The following CPQ variants were observed in gnomAD, a reference collection of about 807,000 sequenced individuals.
The protein encoded by CPQ is carboxypeptidase Q, also known as Ser-Met dipeptidase.
A neutral mutation model predicts 45.7 loss-of-function variants in CPQ; 37 were observed. The ratio of observed to expected loss-of-function variants is 0.81; its 90% CI spans 0.62 to 1.07. The LOEUF (loss-of-function observed/expected upper bound fraction) is 1.07, where lower values mean the gene tolerates loss of function less well. Ranked by LOEUF, CPQ falls within the 50% of genes least tolerant of loss-of-function variation. The pLI is 0.00. For missense variants in CPQ, 537 were observed against 572.9 expected (o/e 0.94, Z 0.64); for synonymous variants, 186 against 205.8 (o/e 0.90, Z 0.82).
At chr8:97,072,311 G>A (rs1810757794) in intron 7 of CPQ, among the ~76,000 whole-genome samples, 1 of 152,084 alleles carries the variant, frequency 6.6e-6, no homozygotes, top group Non-Finnish European at 1.5e-5. Flanking sequence ...GATCATCCCT[G>A]CTCCTTGCTT....
intron 1 of CPQ, among the ~76,000 whole-genome samples, chr8:96,684,882 G>A (rs191975819): frequency 1.3e-5 from 2 of 151,992 alleles, no homozygotes; most frequent in East Asian, 1.9e-4. Flanking sequence ...GGTGTATCAC[G>A]AGGTCTGGAG....
At chr8:97,069,554 A>G (rs1810701470) in intron 7 of CPQ, among the ~76,000 whole-genome samples, 1 of 151,984 alleles carries the variant, frequency 6.6e-6, no homozygotes, top group Non-Finnish European at 1.5e-5. Flanking sequence ...AATTTGTCTG[A>G]AAAAGAAAAA....
chr8:96,822,732 T>A (rs1348469105), intron 2 of CPQ, among the ~76,000 whole-genome samples: 1 of 152,020 alleles, frequency 6.6e-6, no homozygotes. Context: ...AAGGTTTTCC[T>A]GCCTAGAGGC....
chr8:97,115,504 T>G (rs1811569608), intron 7 of CPQ, among the ~76,000 whole-genome samples: 1 of 152,256 alleles, frequency 6.6e-6, no homozygotes, highest in Non-Finnish European at 1.5e-5. Flanking sequence ...TATCCTCAGC[T>G]GACTCAGGTA....
At chr8:97,011,474 C>G (rs961608800) in intron 5 of CPQ, among the ~76,000 whole-genome samples, 2 of 152,166 alleles carry the variant, frequency 1.3e-5, no homozygotes, top group Non-Finnish European at 2.9e-5. Flanking sequence ...TAAAAAGAGA[C>G]AGAAGAAGAT....
At chr8:97,105,309 T>A (rs1018357033) in intron 7 of CPQ, among the ~76,000 whole-genome samples, 1 of 152,230 alleles carries the variant, frequency 6.6e-6, no homozygotes, top group Non-Finnish European at 1.5e-5. Context: ...AGTGGAATAA[T>A]ACAATATTTG....
intron 3 of CPQ, among the ~76,000 whole-genome samples, chr8:96,835,421 A>G (rs549540355): frequency 6.6e-6 from 1 of 152,310 alleles, no homozygotes; most frequent in Admixed American, 6.5e-5. Flanking sequence ...TTTCACATCC[A>G]CAGTGATCCC....
At chr8:96,923,055 G>T (rs1439076599) in intron 4 of CPQ, among the ~76,000 whole-genome samples, 1 of 152,138 alleles carries the variant, frequency 6.6e-6, no homozygotes, top group Non-Finnish European at 1.5e-5. Flanking sequence ...CCTCAGTCCA[G>T]TTCCATATGT....
rs190273746 is a variant in CPQ, at chr8:97,057,571, T to G, written c.1054-8438T>G. 1.2e-3 allele frequency among the ~76,000 whole-genome samples: 190 copies of G among 152,314 alleles called. 1 individual carries two copies. The highest frequency in any genetic ancestry group is 4.5e-3 in the African/African-American group (187 of 41,584). On this transcript the variant is annotated intron_variant, in intron 6 of 7. Transcript: ENST00000220763. ...GCTAAATTATATCCTCAAGTTGCTT[T>G]TAAGGCTGTGTCAAAATGTTCCAAA...
intron 4 of CPQ, among the ~76,000 whole-genome samples, chr8:96,956,421 A>G (rs1813358594): frequency 1.3e-5 from 2 of 152,172 alleles, no homozygotes; most frequent in South Asian, 4.1e-4. Flanking sequence ...TATAAGGTTA[A>G]TCAGCATTTT....
chr8:96,860,425 T>C lies in CPQ; in HGVS notation c.642-19373T>C, dbSNP rs563384120. ...TTTATTTATATTGGCAATTTTCCCATGTGCTTATAAAAATCAGTCCTTTGG... is the reference window on the plus strand; with the variant it reads ...TTTATTTATATTGGCAATTTTCCCACGTGCTTATAAAAATCAGTCCTTTGG... On this transcript the variant is annotated intron_variant, in intron 3 of 7. Coordinates refer to ENST00000220763, the MANE Select transcript of CPQ (RefSeq NM_016134.4). 2.6e-5 allele frequency among the ~76,000 whole-genome samples: 4 copies of C among 152,300 alleles called. No individual in the cohort carries two copies. In the East Asian group the frequency reaches 7.7e-4, roughly 29 times the overall value.
intron 6 of CPQ, among the ~76,000 whole-genome samples, chr8:97,035,698 TTG>T (rs1809990248): frequency 8.4e-5 from 1 of 11,842 alleles, no homozygotes; most frequent in African/African-American, 5.2e-4. Flanking sequence ...GTTTGTTTGT[TTG>T]TATTGTTTTG....
At chr8:97,105,031 T>C (rs924150518) in intron 7 of CPQ, among the ~76,000 whole-genome samples, 1 of 152,224 alleles carries the variant, frequency 6.6e-6, no homozygotes, top group African/African-American at 2.4e-5. Context: ...TAGCAAAGCA[T>C]TGCTTGTGGG....
chr8:96,957,525 A>G (rs1013224300), intron 4 of CPQ, among the ~76,000 whole-genome samples: 1 of 152,134 alleles, frequency 6.6e-6, no homozygotes, highest in Non-Finnish European at 1.5e-5. Context: ...GTAGGAGGCC[A>G]GGTACAGTGG....
At chr8:96,777,766 T>A (rs1428593188) in intron 1 of CPQ, among the ~76,000 whole-genome samples, 79 of 30,516 alleles carry the variant, frequency 2.6e-3, no homozygotes, top group South Asian at 4.6e-3. Flanking sequence ...ATATATTTTT[T>A]TTTTTTTTTT....
At chr8:96,816,642 A>T (rs1346786191) in intron 2 of CPQ, among the ~76,000 whole-genome samples, 1 of 152,148 alleles carries the variant, frequency 6.6e-6, no homozygotes, top group African/African-American at 2.4e-5. Flanking sequence ...TATGAAATGT[A>T]TTTGTTAAAT....
intron 5 of CPQ, among the ~76,000 whole-genome samples, chr8:96,989,492 GGAGGAGAGGA>G (rs796776955): frequency 6.8e-6 from 1 of 148,086 alleles, no homozygotes; most frequent in Non-Finnish European, 1.5e-5. Context: ...AGAGGGGAGT[GGAGGAGAGGA>G]GAGGAGAGGA....
rs76426377 is a variant in CPQ, at chr8:97,049,931, C to G, written c.1054-16078C>G. Among the ~76,000 whole-genome samples, 1,131 of 152,302 alleles carry G rather than the reference C, an allele frequency of 7.4e-3. 11 individuals carry two copies. The highest frequency in any genetic ancestry group is 0.025 in the African/African-American group (1,056 of 41,566). On this transcript the variant is annotated intron_variant, in intron 6 of 7. Transcript: ENST00000220763. The stretch of plus-strand genomic sequence containing the variant: ...TACCCTTGTGGTTGGCAGCCTATTA[C>G]AAGGCATATTGAACACGTTTTTCCT...
intron 5 of CPQ, among the ~76,000 whole-genome samples, chr8:96,991,600 T>G (rs1189923627): frequency 7.2e-6 from 1 of 139,540 alleles, no homozygotes; most frequent in Admixed American, 7.1e-5. Context: ...ATAATAATAA[T>G]AATGCTTTCC....
Sources: gnomAD v4.1 joint callset for allele counts (sites outside exome capture counted in the v4.1 genomes callset) on GRCh38, gnomAD v4.1.1 for gene constraint, MANE v1.5 for transcripts, NCBI Gene and HGNC (gene_info 2026-07-23, HGNC 2026-07-21) for gene names.